LRRC53: variants seen among roughly 807,000 people sequenced by gnomAD.
LRRC53 encodes leucine-rich repeat-containing protein 53.
Under a neutral mutation model 13.6 loss-of-function variants are expected in LRRC53, and 25 were observed. The observed-to-expected ratio is 1.83, with a 90% CI of 1.34 to 2.56. The LOEUF (loss-of-function observed/expected upper bound fraction) is 2.56, where lower values mean the gene tolerates loss of function less well. Among genes scored for constraint, LRRC53 ranks in the 30% most tolerant of loss-of-function variants. The pLI, the probability that LRRC53 is intolerant of heterozygous loss-of-function variation, is 0.00. For synonymous variants in LRRC53, 204 were observed against 109.8 expected (o/e 1.86, Z -5.37); for missense variants, 527 against 275.8 (o/e 1.91, Z -6.45).
intron 1 of LRRC53, among the ~76,000 whole-genome samples, chr1:74,497,999 T>C (rs1393965426): frequency 1.3e-5 from 2 of 152,208 alleles, no homozygotes; most frequent in Admixed American, 6.5e-5. Flanking sequence ...TTTGTTTGTT[T>C]GTTTGTTTTT....
In LRRC53 at chr1:74,470,765, G is replaced by A. The variant is rs1358721019; in HGVS notation, c.2857C>T (p.Gln953Ter). The change falls in exon 5 of 5, where the codon CAA (glutamine) becomes TAA (stop). Residue 953 changes from glutamine (Q) to a stop codon, truncating the protein, a stop_gained. Transcript: ENST00000294635. LOFTEE classifies it low-confidence loss of function (END_TRUNC). ...TGACTTGAATTTTGCTCTCTGTGTT[G>A]TAAGGCTTCATTTTGGTCTAAAGTG... ...EYTLDQNEAL[Q>*]HREQNSSHAQ... 7 of 400,360 alleles carry A rather than the reference G, an allele frequency of 1.7e-5. No homozygotes were observed. The highest frequency in any genetic ancestry group is 2.7e-5 in the Non-Finnish European group (6 of 226,154). 24.8% of individuals were successfully genotyped at this position (400,360 alleles called of 1,614,324 possible).
At chr1:74,500,475 G>A (rs1331440830) in intron 1 of LRRC53, among the ~76,000 whole-genome samples, 2 of 150,278 alleles carry the variant, frequency 1.3e-5, no homozygotes, top group African/African-American at 2.4e-5. Flanking sequence ...GTAGTGGCGG[G>A]CGCCTGTAGT....
chr1:74,535,071 C>T, the LRRC53 span, among the ~76,000 whole-genome samples: 6 of 152,128 alleles, frequency 3.9e-5, no homozygotes, highest in South Asian at 4.1e-4. Flanking sequence ...ATGTTGGACA[C>T]GTCAGATAAG....
At chr1:74,516,516 C>A (rs1328858419), upstream of LRRC53, among the ~76,000 whole-genome samples, 1 of 152,120 alleles carries the variant, frequency 6.6e-6, no homozygotes, top group Admixed American at 6.5e-5. Flanking sequence ...GAAAGAAGTT[C>A]ATTGTGTGTA....
At chr1:74,483,428 A>G (rs1668600224) in intron 1 of LRRC53, 53 bp from the exon 2 acceptor site, 9 of 701,166 alleles carry the variant, frequency 1.3e-5, no homozygotes, top group South Asian at 1.5e-5. Flanking sequence ...TTCACTGTCC[A>G]TTATTTCTGT....
At chr1:74,485,889 C>T (rs903818056) in intron 1 of LRRC53, among the ~76,000 whole-genome samples, 1 of 152,128 alleles carries the variant, frequency 6.6e-6, no homozygotes, top group African/African-American at 2.4e-5. Flanking sequence ...CTGCCAACAA[C>T]CAATGCGCTT....
chr1:74,493,884 T>C (rs1457095802), intron 1 of LRRC53, among the ~76,000 whole-genome samples: 3 of 152,148 alleles, frequency 2.0e-5, no homozygotes, highest in Admixed American at 6.5e-5. Flanking sequence ...TCAACATCAA[T>C]AGGAAGAAAA....
the LRRC53 span, among the ~76,000 whole-genome samples, chr1:74,518,395 C>T: frequency 2.0e-5 from 3 of 152,094 alleles, no homozygotes; most frequent in Non-Finnish European, 4.4e-5. Flanking sequence ...ACAGCATTTT[C>T]GTTCTTCTTC....
upstream of LRRC53, among the ~76,000 whole-genome samples, chr1:74,514,460 TCTA>T: frequency 6.6e-6 from 1 of 152,346 alleles, no homozygotes; most frequent in East Asian, 1.9e-4. Context: ...GCTGTTGTTC[TCTA>T]CTATCTAACA....
At chr1:74,476,118 CATT>C (rs567805277) in intron 3 of LRRC53, among the ~76,000 whole-genome samples, 89 of 152,242 alleles carry the variant, frequency 5.8e-4, no homozygotes, top group Admixed American at 1.4e-3. Flanking sequence ...CCTGCAGTAA[CATT>C]ATTTTTTCGG....
chr1:74,522,305 A>T, the LRRC53 span, among the ~76,000 whole-genome samples: 1 of 152,126 alleles, frequency 6.6e-6, no homozygotes, highest in Non-Finnish European at 1.5e-5. Context: ...AATCCAAAGG[A>T]TGCAGCTGCC....
chr1:74,521,238 A>G, the LRRC53 span, among the ~76,000 whole-genome samples: 1 of 152,080 alleles, frequency 6.6e-6, no homozygotes, highest in South Asian at 2.1e-4. Context: ...TGGCACTGCC[A>G]TTTTCTCTGT....
chr1:74,489,057 G>C (rs962181495), intron 1 of LRRC53: 2 of 678,134 alleles, frequency 2.9e-6, no homozygotes, highest in African/African-American at 3.7e-5. Flanking sequence ...TTCAATAAAA[G>C]TGTATTTTAA....
chr1:74,479,054 CAATT>C lies in LRRC53; in HGVS notation c.904+1095_904+1098del, dbSNP rs1433060873. Among the ~76,000 whole-genome samples the C allele has an allele frequency of 2.6e-5, 4 of 152,276 alleles. No individual in the cohort carries two copies. In the East Asian group the frequency reaches 7.7e-4, roughly 29 times the overall value. On this transcript the variant is annotated intron_variant, in intron 3 of 4. Transcript: ENST00000294635. ...AATTGTCAGGAAGTAAAAATACAAT[CAATT>C]AATTCACTAGATAACTGTTACAGAA...
intron 4 of LRRC53, among the ~76,000 whole-genome samples, chr1:74,473,807 T>A (rs1668055737): frequency 6.6e-6 from 1 of 152,146 alleles, no homozygotes; most frequent in Admixed American, 6.5e-5. Context: ...GGGGAAAGAA[T>A]CTGTAGCCTT....
chr1:74,519,294 T>C, the LRRC53 span, among the ~76,000 whole-genome samples: 1 of 85,912 alleles, frequency 1.2e-5, no homozygotes, highest in Non-Finnish European at 2.1e-5. Flanking sequence ...GTTGGACATT[T>C]GGGTTGGTTC....
the LRRC53 span, among the ~76,000 whole-genome samples, chr1:74,527,553 G>A: frequency 6.6e-6 from 1 of 152,188 alleles, no homozygotes; most frequent in African/African-American, 2.4e-5. Flanking sequence ...AAGCCACTAT[G>A]GTGGATAGGG....
rs745901626 is a variant in LRRC53, at chr1:74,480,340, C to A, written c.717G>T (p.Thr239=). Residue 239 remains threonine (T), a synonymous_variant, in exon 3 of 5, where the codon ACG becomes ACT. Coordinates refer to ENST00000294635, the MANE Select transcript of LRRC53 (RefSeq NM_001382280.1). ...LRNYIKSSAH[T]LRNAKDLNCQ... Reference sequence around the variant, plus strand: ...AATTTAGGTCCTTGGCATTCCTGAGCGTGTGAGCAGAAGACTTAATGTAGT... The same window carrying A: ...AATTTAGGTCCTTGGCATTCCTGAGAGTGTGAGCAGAAGACTTAATGTAGT... The A allele has an allele frequency of 9.8e-6, 7 of 717,610 alleles. No homozygotes were observed. In the African/African-American group the frequency reaches 1.0e-4, roughly 11 times the overall value. 44.5% of individuals were successfully genotyped at this position (717,610 alleles called of 1,614,324 possible). A position where few individuals can be genotyped will look rare whatever the true frequency, so the allele number is the denominator to read the frequency against.
intron 1 of LRRC53, among the ~76,000 whole-genome samples, chr1:74,486,504 T>G (rs1557599698): frequency 9.5e-6 from 1 of 105,794 alleles, no homozygotes; most frequent in South Asian, 2.9e-4. Flanking sequence ...TTTTTGTTTT[T>G]TGCTTTTTTT....
Sources: allele counts gnomAD v4.1 joint callset (sites outside exome capture counted in the v4.1 genomes callset), GRCh38; gene constraint gnomAD v4.1.1; transcripts MANE v1.5; gene names NCBI Gene and HGNC (gene_info 2026-07-23, HGNC 2026-07-21).